Variants in DAB2IP observed in about 807,000 individuals in gnomAD.
DAB2IP encodes DAB2 interacting protein, also known as disabled homolog 2-interacting protein.
Under a neutral mutation model 107.2 loss-of-function variants are expected in DAB2IP, and 28 were observed. The observed-to-expected ratio is 0.26, with a 90% CI of 0.19 to 0.36. The LOEUF is 0.36. DAB2IP is among the 10% of genes least tolerant of loss of function. The probability of loss-of-function intolerance (pLI) is 1.00; values close to 1 mark genes in which losing one functional copy is unlikely to be tolerated. For synonymous variants in DAB2IP, 755 were observed against 706.4 expected (o/e 1.07, Z -1.09); for missense variants, 1,400 against 1,644.7 (o/e 0.85, Z 2.57).
At chr9:121,598,021 G>C (rs1285660946) in intron 1 of DAB2IP, among the ~76,000 whole-genome samples, 3 of 152,198 alleles carry the variant, frequency 2.0e-5, no homozygotes, top group Non-Finnish European at 4.4e-5. Flanking sequence ...GACATTTTAT[G>C]GGACATCGTC....
At chr9:121,768,910 G>A (rs1168994796) in intron 10 of DAB2IP, among the ~76,000 whole-genome samples, 1 of 152,244 alleles carries the variant, frequency 6.6e-6, no homozygotes, top group Non-Finnish European at 1.5e-5. Context: ...CCACTGTGCT[G>A]CCTGCCAGAG....
intron 1 of DAB2IP, among the ~76,000 whole-genome samples, chr9:121,628,237 G>A (rs1831741286): frequency 6.6e-6 from 1 of 152,216 alleles, no homozygotes; most frequent in Non-Finnish European, 1.5e-5. Context: ...CTAGCTCAGA[G>A]AGTGGCTGTG....
chr9:121,735,274 C>T (rs571030993), intron 3 of DAB2IP, among the ~76,000 whole-genome samples: 5 of 152,168 alleles, frequency 3.3e-5, no homozygotes, highest in South Asian at 4.2e-4. Context: ...CCTGTGTGCA[C>T]GGCAGAGCTG....
At chr9:121,717,382 T>C (rs141558105) in intron 3 of DAB2IP, among the ~76,000 whole-genome samples, 1 of 152,356 alleles carries the variant, frequency 6.6e-6, no homozygotes, top group Non-Finnish European at 1.5e-5. Context: ...AGCACGTTTC[T>C]ACACATGAGA....
chr9:121,724,831 C>T (rs1831143697), intron 3 of DAB2IP, among the ~76,000 whole-genome samples: 1 of 152,044 alleles, frequency 6.6e-6, no homozygotes, highest in Non-Finnish European at 1.5e-5. Flanking sequence ...CCCACCTCCC[C>T]AGAATCTAGG....
chr9:121,578,430 TGGCTGAG>T (rs1202369939), intron 1 of DAB2IP, among the ~76,000 whole-genome samples: 1 of 151,906 alleles, frequency 6.6e-6, no homozygotes, highest in Non-Finnish European at 1.5e-5. Flanking sequence ...AACACAGACT[TGGCTGAG>T]GGCCTACCGT....
At chr9:121,624,722 A>G (rs116938366) in intron 1 of DAB2IP, among the ~76,000 whole-genome samples, 2,136 of 152,302 alleles carry the variant, frequency 0.014, 24 homozygotes, top group Non-Finnish European at 0.02. Flanking sequence ...GGTTTGTGCA[A>G]GTGTACTCTA....
chr9:121,628,217 A>T (rs1831740149), intron 1 of DAB2IP, among the ~76,000 whole-genome samples: 1 of 152,212 alleles, frequency 6.6e-6, no homozygotes, highest in South Asian at 2.1e-4. Context: ...ATGCTGGCTC[A>T]GGGCTTCTCC....
intron 1 of DAB2IP, among the ~76,000 whole-genome samples, chr9:121,591,817 T>TAGAAA (rs1368777834): frequency 2.6e-5 from 4 of 152,070 alleles, no homozygotes; most frequent in African/African-American, 9.7e-5. Flanking sequence ...GCAGAGAGTC[T>TAGAAA]AGAAAAATAA....
chr9:121,577,930 G>T (rs770480003), intron 1 of DAB2IP, among the ~76,000 whole-genome samples: 1 of 152,064 alleles, frequency 6.6e-6, no homozygotes, highest in African/African-American at 2.4e-5. Flanking sequence ...GGGCTGTCCC[G>T]GGTCAGGATC....
At chr9:121,589,778 T>G (rs1187197351) in intron 1 of DAB2IP, among the ~76,000 whole-genome samples, 2 of 152,158 alleles carry the variant, frequency 1.3e-5, no homozygotes, top group African/African-American at 2.4e-5. Flanking sequence ...CTACATCCAG[T>G]GACTGACCAA....
chr9:121,690,111 C>G (rs1829088044), intron 2 of DAB2IP, among the ~76,000 whole-genome samples: 1 of 152,210 alleles, frequency 6.6e-6, no homozygotes. Context: ...TTAGACAGGG[C>G]TTACTAAACA....
intron 1 of DAB2IP, among the ~76,000 whole-genome samples, chr9:121,601,850 A>G (rs1043015364): frequency 1.3e-5 from 2 of 151,928 alleles, no homozygotes; most frequent in African/African-American, 4.8e-5. Flanking sequence ...TTTAGAGCAC[A>G]TGCTTCGCTT....
At chr9:121,603,709 A>G (rs1485280903) in intron 1 of DAB2IP, among the ~76,000 whole-genome samples, 1 of 152,086 alleles carries the variant, frequency 6.6e-6, no homozygotes, top group Non-Finnish European at 1.5e-5. Flanking sequence ...AGGGCTGGTC[A>G]TCTCTTAAAA....
rs185387658 is a variant in DAB2IP, at chr9:121,577,588, C to G, written c.40+10360C>G. Among the ~76,000 whole-genome samples the G allele has an allele frequency of 3.9e-5, 6 of 152,258 alleles. No homozygotes were observed. The East Asian group carries it at 1.2e-3, about 29-fold the overall frequency. The stretch of plus-strand genomic sequence containing the variant: ...TGCACCAGAAAGAGTTGGTCTGTGC[C>G]CTAGAAAAGCCACAGCCAGGGACTG... On this transcript the variant is annotated intron_variant, in intron 1 of 16. Coordinates refer to the DAB2IP transcript ENST00000259371.
intron 3 of DAB2IP, among the ~76,000 whole-genome samples, chr9:121,724,956 C>T (rs553045656): frequency 6.6e-5 from 10 of 152,092 alleles, no homozygotes; most frequent in East Asian, 5.8e-4. Context: ...AGGGGCAGGT[C>T]GGGGACTTCA....
Position 121,635,645 on chromosome 9 carries a change from C to T in DAB2IP, c.41-43033C>T, listed in dbSNP as rs561217283. 6.6e-6 allele frequency among the ~76,000 whole-genome samples: 1 copy of T among 152,300 alleles called. No individual in the cohort carries two copies. Among genetic ancestry groups the T allele is most frequent in the Admixed American group, 6.5e-5 (1 of 15,302 alleles). ...GGAAGGAGGGGCGCTGAGATGGGAG[C>T]GAGGCCTTGGACAAGAAAGGATATC... is the stretch of plus-strand genomic sequence containing the variant. On this transcript the variant is annotated intron_variant, in intron 1 of 16. Coordinates refer to the DAB2IP transcript ENST00000259371. The surrounding 1 kb of genome is among the most constrained non-coding windows in gnomAD (Gnocchi z 4.3).
At chr9:121,643,576 C>T (rs907974068) in intron 1 of DAB2IP, among the ~76,000 whole-genome samples, 2 of 152,046 alleles carry the variant, frequency 1.3e-5, no homozygotes, top group Non-Finnish European at 1.5e-5. Flanking sequence ...TCATTTCCAC[C>T]TCTGGGGCTT....
At chr9:121,580,749 T>G (rs6478521) in intron 1 of DAB2IP, among the ~76,000 whole-genome samples, 2 of 151,776 alleles carry the variant, frequency 1.3e-5, no homozygotes, top group Non-Finnish European at 2.9e-5. Flanking sequence ...CTCAGCCTCC[T>G]GAGTAGCTGG....
Sources: allele counts gnomAD v4.1 joint callset (sites outside exome capture counted in the v4.1 genomes callset), GRCh38; gene constraint gnomAD v4.1.1; non-coding constraint Gnocchi (gnomAD v3.1); transcripts MANE v1.5; gene names NCBI Gene and HGNC (gene_info 2026-07-23, HGNC 2026-07-21).